Variants in NCKAP5 observed in about 807,000 individuals in gnomAD.
NCKAP5 encodes the protein nck-associated protein 5.
Under a neutral mutation model 167.0 loss-of-function variants are expected in NCKAP5, and 92 were observed. That is an observed-to-expected ratio of 0.55 (90% CI 0.47 to 0.66). The LOEUF (loss-of-function observed/expected upper bound fraction) is 0.66, where lower values mean the gene tolerates loss of function less well. Among genes scored for constraint, NCKAP5 ranks in the 30% least tolerant of loss-of-function variants. The probability of loss-of-function intolerance (pLI) is 0.00; values close to 1 mark genes in which losing one functional copy is unlikely to be tolerated. For synonymous variants in NCKAP5, 891 were observed against 877.4 expected, an observed-to-expected ratio of 1.02 and a Z score of -0.27; for missense variants, 2,378 against 2,315.0, an observed-to-expected ratio of 1.03 and a Z score of -0.56.
rs115442219 is a variant in NCKAP5, at chr2:133,182,628, C to A, written c.207+31088G>T. 9.6e-3 allele frequency among the ~76,000 whole-genome samples: 1,463 copies of A among 152,004 alleles called. 24 individuals carry two copies. Among genetic ancestry groups the A allele is most frequent in the African/African-American group, 0.034 (1,406 of 41,460 alleles). The stretch of plus-strand genomic sequence containing the variant: ...TTTGTGGGATACAACTAAAGCAATG[C>A]CATGAGGGAAATTTATAGCACTAGA... On this transcript the variant is annotated intron_variant, in intron 5 of 19. Transcript: ENST00000409261.
chr2:132,697,223 C>T (rs919464367), intron 19 of NCKAP5, among the ~76,000 whole-genome samples: 13 of 152,196 alleles, frequency 8.5e-5, no homozygotes, highest in Non-Finnish European at 1.8e-4. Context: ...CCTTAAAGAG[C>T]AGTCACCTTG....
the NCKAP5 span, among the ~76,000 whole-genome samples, chr2:133,637,734 A>G: frequency 1.3e-5 from 2 of 152,164 alleles, no homozygotes; most frequent in African/African-American, 4.8e-5. Flanking sequence ...AATATTGTTA[A>G]AAGTTTTAAC....
chr2:132,814,176 G>A (rs560553647), intron 11 of NCKAP5, among the ~76,000 whole-genome samples: 1 of 152,190 alleles, frequency 6.6e-6, no homozygotes, highest in Admixed American at 6.5e-5. Context: ...CAGGGTTTCA[G>A]ACTTATTACT....
chr2:133,457,348 A>T (rs540021737), intron 3 of NCKAP5, among the ~76,000 whole-genome samples: 1 of 152,246 alleles, frequency 6.6e-6, no homozygotes, highest in East Asian at 1.9e-4. Flanking sequence ...TCAAAGAGTC[A>T]CCCCTTCCCT....
intron 3 of NCKAP5, among the ~76,000 whole-genome samples, chr2:133,402,056 C>G (rs1428076404): frequency 6.6e-6 from 1 of 151,934 alleles, no homozygotes; most frequent in Non-Finnish European, 1.5e-5. Flanking sequence ...ATCAAGGAAG[C>G]TTTAAAATTT....
At chr2:133,167,910 T>C (rs1165406188) in intron 5 of NCKAP5, among the ~76,000 whole-genome samples, 2 of 152,212 alleles carry the variant, frequency 1.3e-5, no homozygotes, top group Admixed American at 6.5e-5. Flanking sequence ...TATATAGATA[T>C]GATCGATTCA....
intron 16 of NCKAP5, among the ~76,000 whole-genome samples, chr2:132,772,221 G>A (rs1221022580): frequency 1.3e-5 from 2 of 152,064 alleles, no homozygotes; most frequent in African/African-American, 4.8e-5. Flanking sequence ...TGAAATTGCC[G>A]AATGACACAT....
chr2:133,637,394 A>G, the NCKAP5 span, among the ~76,000 whole-genome samples: 1 of 151,200 alleles, frequency 6.6e-6, no homozygotes, highest in African/African-American at 2.4e-5. Flanking sequence ...ATGCCTAAGG[A>G]AACAGGCCAC....
intron 6 of NCKAP5, among the ~76,000 whole-genome samples, chr2:133,127,743 G>T (rs2082449554): frequency 6.6e-6 from 1 of 152,140 alleles, no homozygotes; most frequent in Non-Finnish European, 1.5e-5. Flanking sequence ...TTACCAAGCA[G>T]TGCTTGTTTT....
intron 3 of NCKAP5, among the ~76,000 whole-genome samples, chr2:133,502,384 G>A (rs1421336806): frequency 6.6e-6 from 1 of 152,170 alleles, no homozygotes; most frequent in African/African-American, 2.4e-5. Context: ...CTGAAAGAGT[G>A]GAGAGAACAT....
At chr2:132,920,771 G>GTATATATATATATATATATA (rs55895538) in intron 8 of NCKAP5, among the ~76,000 whole-genome samples, 1 of 31,570 alleles carries the variant, frequency 3.2e-5, no homozygotes, top group Non-Finnish European at 6.5e-5. Context: ...ATATATGTAT[G>GTATATATATATATATATATA]TATATATATA....
At chr2:133,456,989 C>T (rs1691900435) in intron 3 of NCKAP5, among the ~76,000 whole-genome samples, 1 of 152,130 alleles carries the variant, frequency 6.6e-6, no homozygotes, top group Admixed American at 6.6e-5. Context: ...TCCGTTAACA[C>T]AGCTATGAGC....
At chr2:133,068,856 C>T (rs1456204595) in intron 6 of NCKAP5, among the ~76,000 whole-genome samples, 1 of 152,104 alleles carries the variant, frequency 6.6e-6, no homozygotes, top group East Asian at 1.9e-4. Flanking sequence ...TAGGGTTCAA[C>T]TAAGAGATTT....
intron 3 of NCKAP5, among the ~76,000 whole-genome samples, chr2:133,484,590 T>G (rs1475027045): frequency 2.0e-5 from 3 of 152,302 alleles, no homozygotes; most frequent in African/African-American, 7.2e-5. Context: ...AAAAAGTTTT[T>G]GAGCACCAAC....
At chr2:132,983,292 CT>C (rs1237968673) in intron 7 of NCKAP5, among the ~76,000 whole-genome samples, 1 of 152,062 alleles carries the variant, frequency 6.6e-6, no homozygotes, top group Non-Finnish European at 1.5e-5. Context: ...GTTTGGATAC[CT>C]TTTATTTCTT....
intron 7 of NCKAP5, among the ~76,000 whole-genome samples, chr2:132,975,796 A>G (rs1038871622): frequency 6.6e-6 from 1 of 152,162 alleles, no homozygotes; most frequent in African/African-American, 2.4e-5. Flanking sequence ...AAAAAAAAAA[A>G]AACCTCATAA....
intron 3 of NCKAP5, among the ~76,000 whole-genome samples, chr2:133,379,845 T>C (rs1435871075): frequency 6.6e-6 from 1 of 152,172 alleles, no homozygotes; most frequent in Non-Finnish European, 1.5e-5. Context: ...GTGTAAGATA[T>C]TCTGTGAGAA....
intron 6 of NCKAP5, among the ~76,000 whole-genome samples, chr2:133,095,954 A>C (rs887031489): frequency 1.3e-5 from 2 of 152,186 alleles, no homozygotes; most frequent in African/African-American, 4.8e-5. Flanking sequence ...ACATGGCCTC[A>C]GGGTGAGAAC....
chr2:133,076,916 C>T (rs1287341591), intron 6 of NCKAP5, among the ~76,000 whole-genome samples: 3 of 152,090 alleles, frequency 2.0e-5, no homozygotes, highest in Non-Finnish European at 4.4e-5. Flanking sequence ...GTCTGGGAAA[C>T]GTGGTTTTAA....
Sources: allele counts gnomAD v4.1 joint callset (sites outside exome capture counted in the v4.1 genomes callset), GRCh38; gene constraint gnomAD v4.1.1; transcripts MANE v1.5; gene names NCBI Gene and HGNC (gene_info 2026-07-23, HGNC 2026-07-21).